ARHGEF10: variants seen among roughly 807,000 people sequenced by gnomAD.
ARHGEF10 encodes the protein Rho guanine nucleotide exchange factor (GEF) 10.
ARHGEF10 carries 140 observed loss-of-function variants against 147.4 expected under a neutral mutation model. The ratio of observed to expected loss-of-function variants is 0.95; its 90% CI spans 0.83 to 1.09. The LOEUF (loss-of-function observed/expected upper bound fraction) is 1.09. ARHGEF10 is among the 50% of genes least tolerant of loss of function. The pLI, the probability that ARHGEF10 is intolerant of heterozygous loss-of-function variation, is 0.00. For missense variants in ARHGEF10, 2,222 were observed against 1,752.7 expected, an observed-to-expected ratio of 1.27 and a Z score of -4.78; for synonymous variants, 902 against 695.8, an observed-to-expected ratio of 1.30 and a Z score of -4.67.
rs112264019 is a variant in ARHGEF10, at chr8:1,860,985, A to C, written c.481+801A>C. ...AGGATCTCAGCAGAGTCCTCAGTGG[A>C]AGGTCAGAGCCACCTGGGGCAGCAC... On this transcript the variant is annotated intron_variant, in intron 4 of 28. Coordinates refer to ENST00000349830, the MANE Select transcript of ARHGEF10 (RefSeq NM_014629.4). 8.6e-3 allele frequency among the ~76,000 whole-genome samples: 1,311 copies of C among 152,234 alleles called. 27 individuals are homozygous for C. The highest frequency in any genetic ancestry group is 0.03 in the African/African-American group (1,246 of 41,526).
At chr8:1,829,396 G>A (rs1014545716) in intron 1 of ARHGEF10, among the ~76,000 whole-genome samples, 1 of 152,256 alleles carries the variant, frequency 6.6e-6, no homozygotes, top group African/African-American at 2.4e-5. Flanking sequence ...GCCCTGTGTG[G>A]GCCGGGCCAG....
chr8:1,879,725 G>A (rs764806263), intron 8 of ARHGEF10, among the ~76,000 whole-genome samples: 4 of 151,904 alleles, frequency 2.6e-5, no homozygotes, highest in African/African-American at 4.8e-5. Context: ...GCTAATTTTT[G>A]TAATTTTAAT....
At chr8:1,929,630 A>T (rs1264467258) in intron 25 of ARHGEF10, among the ~76,000 whole-genome samples, 187 bp downstream of exon 25, 3 of 152,002 alleles carry the variant, frequency 2.0e-5, no homozygotes, top group African/African-American at 7.3e-5. Context: ...TTTGTTGAAT[A>T]TACAGACATC....
At chr8:1,899,773 T>C (rs1384401260) in intron 15 of ARHGEF10, among the ~76,000 whole-genome samples, 2 of 152,254 alleles carry the variant, frequency 1.3e-5, no homozygotes, top group African/African-American at 2.4e-5. Context: ...TGAGTTCTAA[T>C]ACGTGCGAGA....
At chr8:1,951,111 G>GTT (rs1248403904) in intron 27 of ARHGEF10, among the ~76,000 whole-genome samples, 3 of 152,172 alleles carry the variant, frequency 2.0e-5, no homozygotes, top group African/African-American at 7.2e-5. Context: ...ATGCACACCG[G>GTT]TTTTCTCTCT....
Position 1,909,247 on chromosome 8 carries a change from C to T in ARHGEF10, c.1968-48C>T, listed in dbSNP as rs758868651. 69 of 1,607,138 alleles carry T rather than the reference C, an allele frequency of 4.3e-5. No individual in the cohort carries two copies. The East Asian group carries it at 5.1e-4, about 12-fold the overall frequency. ...ATCTGAGGGATGAACATTACCATAA[C>T]GTGTTCATGTAATTATTCGTAAAAC... is the stretch of plus-strand genomic sequence containing the variant. On this transcript the variant is annotated intron_variant, in intron 17 of 28. Transcript: ENST00000349830.
rs1280748273 is a variant in ARHGEF10, at chr8:1,850,015, G to T, written c.37+6579G>T. On this transcript the variant is annotated intron_variant, in intron 2 of 28. Transcript: ENST00000349830. ...AGAGGGCAAATGCTGAGGAGGGCGTGGGCCGGCTGCATGGACACAGAGGGC... is the reference window on the plus strand; with the variant it reads ...AGAGGGCAAATGCTGAGGAGGGCGTTGGCCGGCTGCATGGACACAGAGGGC... 3.9e-3 allele frequency among the ~76,000 whole-genome samples: 330 copies of T among 84,044 alleles called. 1 individual carries two copies. The highest frequency in any genetic ancestry group is 9.8e-3 in the African/African-American group (191 of 19,460). The allele number at this position is 84,044 out of a possible 152,430, so 55.1% of individuals were successfully genotyped here.
At chr8:1,829,982 CAAG>C (rs1054244886) in intron 1 of ARHGEF10, among the ~76,000 whole-genome samples, 2 of 152,158 alleles carry the variant, frequency 1.3e-5, no homozygotes, top group South Asian at 2.1e-4. Flanking sequence ...GTAGCGGTAG[CAAG>C]AAGGAGAGGG....
At chr8:1,863,001 A>T (rs7822840) in intron 4 of ARHGEF10, among the ~76,000 whole-genome samples, 75,489 of 151,478 alleles carry the variant, frequency 0.5, 18,883 homozygotes, top group African/African-American at 0.52. Context: ...ACCAGGATGG[A>T]CTTGATCTCC....
At chr8:1,834,532 C>T (rs1033386869) in intron 1 of ARHGEF10, among the ~76,000 whole-genome samples, 10 of 152,164 alleles carry the variant, frequency 6.6e-5, no homozygotes, top group African/African-American at 1.9e-4. Flanking sequence ...AAACCCAGGA[C>T]AGTGGGGTTC....
At position 1,872,686 on chromosome 8, in the gene ARHGEF10, C is replaced by G. The variant is rs114001900; in HGVS notation, c.679+3436C>G. On this transcript the variant is annotated intron_variant, in intron 7 of 28. Coordinates refer to ENST00000349830, the MANE Select transcript of ARHGEF10 (RefSeq NM_014629.4). ...TTCAGTGACCATCCAACATTAAAAA[C>G]TGCTGATAGAAGGAAACTCACTTAG... Among the ~76,000 whole-genome samples the G allele has an allele frequency of 4.2e-3, 647 of 152,292 alleles. 4 individuals carry two copies. The highest frequency in any genetic ancestry group is 0.015 in the African/African-American group (613 of 41,558).
intron 1 of ARHGEF10, among the ~76,000 whole-genome samples, chr8:1,831,523 TC>T (rs1729625793): frequency 2.5e-5 from 1 of 39,330 alleles, no homozygotes; most frequent in Non-Finnish European, 5.0e-5. Context: ...CAGTGTGACA[TC>T]CGTGGAGGGA....
At chr8:1,843,108 C>T (rs975690561) in intron 1 of ARHGEF10, among the ~76,000 whole-genome samples, 1 of 152,356 alleles carries the variant, frequency 6.6e-6, no homozygotes, top group Middle Eastern at 3.4e-3. Context: ...GCAAAATAAA[C>T]TTCTGGCTAC....
intron 1 of ARHGEF10, among the ~76,000 whole-genome samples, chr8:1,841,237 G>C (rs910957049): frequency 2.7e-5 from 4 of 146,700 alleles, no homozygotes; most frequent in Non-Finnish European, 4.5e-5. Context: ...CGCTGGCGAG[G>C]TGGACCTAAA....
At chr8:1,838,531 T>C (rs1803729292) in intron 1 of ARHGEF10, among the ~76,000 whole-genome samples, 1 of 152,264 alleles carries the variant, frequency 6.6e-6, no homozygotes, top group South Asian at 2.1e-4. Context: ...CCGGAGGCAG[T>C]CCTCTTCAGA....
At chr8:1,872,180 G>C (rs1256930209) in intron 7 of ARHGEF10, among the ~76,000 whole-genome samples, 1 of 152,170 alleles carries the variant, frequency 6.6e-6, no homozygotes, top group Non-Finnish European at 1.5e-5. Flanking sequence ...CAAAAAGTTA[G>C]ATGAAATTAA....
Position 1,876,685 on chromosome 8 carries a change from G to C in ARHGEF10, c.794G>C (p.Cys265Ser), listed in dbSNP as rs1473451607. ...ESYEEQSDSE[C>S]KNGIPRSFLR... is the part of the protein sequence containing the mutation. ...TACGAAGAGCAGAGTGACTCGGAGT[G>C]CAAGAATGGGATTCCCAGGTCCTTC... is the stretch of plus-strand genomic sequence containing the variant. Residue 265 changes from cysteine to serine, a missense_variant, in exon 8 of 29, where the codon TGC becomes TCC. Cys to Ser is a moderately radical substitution (Grantham distance 112). Transcript: ENST00000349830. 6.2e-7 allele frequency: 1 copy of C among 1,614,240 alleles called. No individual in the cohort carries two copies. Among genetic ancestry groups the C allele is most frequent in the East Asian group, 2.2e-5 (1 of 44,888 alleles).
intron 28 of ARHGEF10, among the ~76,000 whole-genome samples, chr8:1,954,324 A>C (rs4130964): frequency 0.93 from 141,964 of 152,206 alleles, 66,244 homozygotes; most frequent in East Asian, 1. Context: ...GAACTCCTGA[A>C]CTCAAGTGAT....
chr8:1,888,673 G>T (rs1361363890), intron 11 of ARHGEF10, among the ~76,000 whole-genome samples: 1 of 116,072 alleles, frequency 8.6e-6, no homozygotes, highest in South Asian at 3.1e-4. Flanking sequence ...GTTGGGTGAG[G>T]GTTTGTGAGG....
Sources: allele counts gnomAD v4.1 joint callset (sites outside exome capture counted in the v4.1 genomes callset), GRCh38; gene constraint gnomAD v4.1.1; transcripts MANE v1.5; gene names NCBI Gene and HGNC (gene_info 2026-07-23, HGNC 2026-07-21).